CDKL4: variants seen among roughly 807,000 people sequenced by gnomAD.
The protein encoded by CDKL4 is cyclin dependent kinase like 4.
CDKL4 carries 44 observed loss-of-function variants against 42.0 expected under a neutral mutation model. The observed-to-expected ratio is 1.05, with a 90% CI of 0.82 to 1.35. The LOEUF (loss-of-function observed/expected upper bound fraction) is 1.35. Among genes scored for constraint, CDKL4 ranks in the 40% most tolerant of loss-of-function variants. CDKL4 has a pLI of 0.00. For synonymous variants in CDKL4, 120 were observed against 121.6 expected, an observed-to-expected ratio of 0.99 and a Z score of 0.09; for missense variants, 393 against 369.9, an observed-to-expected ratio of 1.06 and a Z score of -0.51.
At chr2:39,188,542 C>G (rs1005379970) in intron 6 of CDKL4, among the ~76,000 whole-genome samples, 1 of 103,634 alleles carries the variant, frequency 9.6e-6, no homozygotes, top group Non-Finnish European at 1.7e-5. Flanking sequence ...AGCCTGGCAA[C>G]AGAGTGACAG....
chr2:39,179,259 G>A, exon 9 of CDKL4: 2 of 1,613,568 alleles, frequency 1.2e-6, no homozygotes, highest in East Asian at 2.2e-5. Flanking sequence ...AAGAATCAAA[G>A]TAGGAGCTCT....
chr2:39,180,103 T>A (rs1044258575), intron 8 of CDKL4, among the ~76,000 whole-genome samples: 9 of 152,138 alleles, frequency 5.9e-5, no homozygotes, highest in African/African-American at 1.9e-4. Flanking sequence ...CAGATTATGA[T>A]CCATAAAGAG....
intron 3 of CDKL4, among the ~76,000 whole-genome samples, chr2:39,216,271 G>A (rs1208132507): frequency 6.6e-6 from 1 of 152,156 alleles, no homozygotes; most frequent in Non-Finnish European, 1.5e-5. Context: ...CGATGGGATT[G>A]AGACCCCTGT....
intron 5 of CDKL4, among the ~76,000 whole-genome samples, chr2:39,202,866 A>G (rs903236161): frequency 6.6e-6 from 1 of 152,206 alleles, no homozygotes; most frequent in Non-Finnish European, 1.5e-5. Context: ...GACCCCAGCA[A>G]TGACTCATAC....
At chr2:39,227,430 T>G (rs1475117400) in intron 2 of CDKL4, among the ~76,000 whole-genome samples, 1 of 152,148 alleles carries the variant, frequency 6.6e-6, no homozygotes, top group Non-Finnish European at 1.5e-5. Flanking sequence ...CCTAAAACTG[T>G]GTGCCTGCTG....
At chr2:39,224,021 T>C (rs1678540210) in intron 3 of CDKL4, among the ~76,000 whole-genome samples, 1 of 152,244 alleles carries the variant, frequency 6.6e-6, no homozygotes, top group Non-Finnish European at 1.5e-5. Context: ...TCTACATTTA[T>C]GAAAGTTTTT....
chr2:39,240,547 G>T (rs1679609398), intron 1 of CDKL4, among the ~76,000 whole-genome samples: 1 of 151,626 alleles, frequency 6.6e-6, no homozygotes, highest in Admixed American at 6.6e-5. Context: ...ATTCAGAAGA[G>T]GTCCCTATAT....
At chr2:39,173,915 C>T (rs1355563026), downstream of CDKL4, among the ~76,000 whole-genome samples, 2 of 151,436 alleles carry the variant, frequency 1.3e-5, no homozygotes, top group Admixed American at 6.6e-5. Flanking sequence ...CCCAGGAGGT[C>T]GAGGGTGCAG....
chr2:39,237,743 T>A (rs894068120), intron 1 of CDKL4, among the ~76,000 whole-genome samples: 2 of 151,950 alleles, frequency 1.3e-5, no homozygotes, highest in African/African-American at 2.4e-5. Flanking sequence ...AATATTTTTT[T>A]AAAAAAGAAA....
intron 3 of CDKL4, among the ~76,000 whole-genome samples, chr2:39,221,952 T>C (rs1016422516): frequency 3.3e-5 from 5 of 152,230 alleles, no homozygotes; most frequent in Non-Finnish European, 7.3e-5. Context: ...AGTTGTTACT[T>C]TGAATATCTG....
At chr2:39,222,238 T>C (rs1678416774) in intron 3 of CDKL4, among the ~76,000 whole-genome samples, 1 of 152,014 alleles carries the variant, frequency 6.6e-6, no homozygotes, top group African/African-American at 2.4e-5. Flanking sequence ...AAGGAAGAAA[T>C]TCCATCCAGA....
chr2:39,184,630 C>A (rs1244395030), exon 8 of CDKL4: 2 of 1,611,740 alleles, frequency 1.2e-6, no homozygotes, highest in Non-Finnish European at 1.7e-6. Flanking sequence ...CATCTGAGAA[C>A]TTTTCCTCAA....
At chr2:39,209,738 A>C (rs2148346378) in intron 4 of CDKL4, among the ~76,000 whole-genome samples, 1 of 152,298 alleles carries the variant, frequency 6.6e-6, no homozygotes, top group Admixed American at 6.5e-5. Flanking sequence ...TACAGGTTTA[A>C]AGCTGTGAGT....
upstream of CDKL4, among the ~76,000 whole-genome samples, chr2:39,244,655 G>A (rs1679831133): frequency 6.6e-6 from 1 of 152,262 alleles, no homozygotes; most frequent in South Asian, 2.1e-4. Flanking sequence ...GGGCTGAGGA[G>A]TGCGAGCGAA....
intron 4 of CDKL4, among the ~76,000 whole-genome samples, chr2:39,208,701 C>CTTT (rs761337117): frequency 1.1e-4 from 11 of 102,002 alleles, no homozygotes; most frequent in South Asian, 3.4e-4. Context: ...GACGGGCAAT[C>CTTT]TTTTTTTTTT....
intron 1 of CDKL4, among the ~76,000 whole-genome samples, chr2:39,238,040 A>G (rs533826115): frequency 2.0e-5 from 3 of 152,254 alleles, no homozygotes; most frequent in African/African-American, 7.2e-5. Context: ...ACAAAATACC[A>G]TTGAAAGAAA....
chr2:39,200,764 G>C (rs1340505021), intron 5 of CDKL4, among the ~76,000 whole-genome samples: 1 of 152,140 alleles, frequency 6.6e-6, no homozygotes, highest in Non-Finnish European at 1.5e-5. Flanking sequence ...AACAAATGGT[G>C]CTGGTATAAT....
chr2:39,212,037 A>G (rs1677614814), intron 4 of CDKL4, among the ~76,000 whole-genome samples: 1 of 152,180 alleles, frequency 6.6e-6, no homozygotes, highest in African/African-American at 2.4e-5. Context: ...TTATTTCTCT[A>G]ACATAGTGGT....
At chr2:39,219,230 G>A (rs928798802) in intron 3 of CDKL4, among the ~76,000 whole-genome samples, 1 of 152,114 alleles carries the variant, frequency 6.6e-6, no homozygotes, top group Admixed American at 6.5e-5. Flanking sequence ...AGTGAATTCT[G>A]TTGTTGAATC....
Sources: gnomAD v4.1 joint callset for allele counts (sites outside exome capture counted in the v4.1 genomes callset) on GRCh38, gnomAD v4.1.1 for gene constraint, MANE v1.5 for transcripts, NCBI Gene and HGNC (gene_info 2026-07-23, HGNC 2026-07-21) for gene names.